The following OPCML variants were observed in gnomAD, a reference collection of about 807,000 sequenced individuals.
OPCML encodes opioid-binding protein/cell adhesion molecule.
Under a neutral mutation model 37.8 loss-of-function variants are expected in OPCML, and 13 were observed. The observed-to-expected ratio is 0.34, with a 90% CI of 0.22 to 0.55. The LOEUF (loss-of-function observed/expected upper bound fraction) is 0.55, where lower values mean the gene tolerates loss of function less well. Ranked by LOEUF, OPCML falls within the 20% of genes least tolerant of loss-of-function variation. OPCML has a pLI of 0.91. For missense variants in OPCML, 341 were observed against 435.6 expected (o/e 0.78, Z 1.93); for synonymous variants, 176 against 168.8 (o/e 1.04, Z -0.33).
At chr11:133,386,123 G>T (rs1203794318) in intron 1 of OPCML, among the ~76,000 whole-genome samples, 1 of 152,196 alleles carries the variant, frequency 6.6e-6, no homozygotes, top group Non-Finnish European at 1.5e-5. Flanking sequence ...CTTGAATGCA[G>T]CACGGAGGCG....
chr11:132,856,853 C>T (rs369831231), intron 2 of OPCML, among the ~76,000 whole-genome samples: 11 of 152,182 alleles, frequency 7.2e-5, no homozygotes, highest in Non-Finnish European at 1.3e-4. Flanking sequence ...AGTCAAAGGC[C>T]GCACAGCACA....
At chr11:133,378,207 C>T (rs1944857195) in intron 1 of OPCML, among the ~76,000 whole-genome samples, 1 of 152,226 alleles carries the variant, frequency 6.6e-6, no homozygotes, top group African/African-American at 2.4e-5. Context: ...TTTTCCTTCC[C>T]TCTCCTAGGG....
chr11:132,625,499 T>C (rs1393158309), intron 3 of OPCML, among the ~76,000 whole-genome samples: 1 of 152,220 alleles, frequency 6.6e-6, no homozygotes, highest in Admixed American at 6.5e-5. Flanking sequence ...CAGTTACTTA[T>C]GCCTCTGCCA....
chr11:132,889,594 A>G (rs934374781), intron 2 of OPCML, among the ~76,000 whole-genome samples: 2 of 152,222 alleles, frequency 1.3e-5, no homozygotes, highest in African/African-American at 4.8e-5. Flanking sequence ...GATATTTCCT[A>G]CCAGAGATGT....
intron 1 of OPCML, among the ~76,000 whole-genome samples, chr11:133,142,025 C>G (rs1392583661): frequency 2.0e-5 from 3 of 152,158 alleles, no homozygotes; most frequent in Admixed American, 2.0e-4. Flanking sequence ...CTTTTAAGAG[C>G]TCTATTAAAT....
At chr11:133,164,583 C>T (rs766956814) in intron 1 of OPCML, among the ~76,000 whole-genome samples, 4 of 152,174 alleles carry the variant, frequency 2.6e-5, no homozygotes, top group Admixed American at 6.5e-5. Context: ...ATTTGAATAA[C>T]GAGGACAATT....
rs529996158 is a variant in OPCML, at chr11:132,669,372, A to T, written c.147-12053T>A. Among the ~76,000 whole-genome samples, 6 of 150,880 alleles carry T rather than the reference A, an allele frequency of 4.0e-5. No individual in the cohort carries two copies. In the Admixed American group the frequency reaches 4.0e-4, roughly 10 times the overall value. On this transcript the variant is annotated intron_variant, in intron 2 of 7. Transcript: ENST00000524381. ...GAAACACATCCAATTCCCTAAGGAGACATTCACTGCACAGATACTGCTGGG... is the reference window on the plus strand; with the variant it reads ...GAAACACATCCAATTCCCTAAGGAGTCATTCACTGCACAGATACTGCTGGG...
At chr11:132,813,146 A>T (rs187572586) in intron 2 of OPCML, among the ~76,000 whole-genome samples, 19 of 151,980 alleles carry the variant, frequency 1.3e-4, no homozygotes, top group Admixed American at 6.6e-4. Context: ...CTCAGTACAC[A>T]TTTTTTTTAG....
At chr11:132,893,755 T>C (rs572703404) in intron 2 of OPCML, among the ~76,000 whole-genome samples, 1 of 152,378 alleles carries the variant, frequency 6.6e-6, no homozygotes, top group East Asian at 1.9e-4. Context: ...GCTCCCATTG[T>C]TTTGAAGCTT....
intron 1 of OPCML, among the ~76,000 whole-genome samples, chr11:133,307,625 C>T (rs527317688): frequency 6.6e-6 from 1 of 152,274 alleles, no homozygotes; most frequent in East Asian, 1.9e-4. Context: ...TTAGACCCAA[C>T]CCAGGGAAGG....
At chr11:133,454,583 T>C (rs1946639692) in intron 1 of OPCML, among the ~76,000 whole-genome samples, 1 of 152,236 alleles carries the variant, frequency 6.6e-6, no homozygotes, top group Admixed American at 6.5e-5. Flanking sequence ...TTTTCTGATC[T>C]ATGCAATTTG....
chr11:133,249,455 C>A (rs1941055837), intron 1 of OPCML, among the ~76,000 whole-genome samples: 1 of 152,186 alleles, frequency 6.6e-6, no homozygotes, highest in African/African-American at 2.4e-5. Context: ...GCCCCACCTC[C>A]AACATTGCGG....
At chr11:133,024,232 A>T in intron 1 of OPCML, 1 of 407,924 alleles carries the variant, frequency 2.5e-6, no homozygotes, top group Non-Finnish European at 3.3e-6. Context: ...AACCTCAGGC[A>T]GGTTGGTGGG....
intron 1 of OPCML, among the ~76,000 whole-genome samples, chr11:133,234,358 GCTT>G (rs1468827960): frequency 6.6e-6 from 1 of 152,176 alleles, no homozygotes; most frequent in African/African-American, 2.4e-5. Flanking sequence ...TTACTTAGAG[GCTT>G]CTTCTCTCTC....
chr11:133,359,086 A>G (rs1944357341), intron 1 of OPCML, among the ~76,000 whole-genome samples: 1 of 152,056 alleles, frequency 6.6e-6, no homozygotes, highest in Non-Finnish European at 1.5e-5. Context: ...AGAGAACTTA[A>G]CTTACGGTCC....
intron 2 of OPCML, among the ~76,000 whole-genome samples, chr11:132,750,451 G>C (rs188790185): frequency 6.6e-6 from 1 of 152,268 alleles, no homozygotes; most frequent in East Asian, 1.9e-4. Flanking sequence ...CAAGGTGGCT[G>C]TCCATTCCAA....
chr11:133,159,700 C>T (rs1404579417), intron 1 of OPCML, among the ~76,000 whole-genome samples: 1 of 152,256 alleles, frequency 6.6e-6, no homozygotes, highest in African/African-American at 2.4e-5. Flanking sequence ...AGGCAGGGCT[C>T]TGTCACCCTT....
chr11:133,285,856 C>T (rs953417655), intron 1 of OPCML, among the ~76,000 whole-genome samples: 1 of 152,132 alleles, frequency 6.6e-6, no homozygotes, highest in African/African-American at 2.4e-5. Flanking sequence ...TGTAAGGCTG[C>T]AGTACAAAGA....
intron 2 of OPCML, among the ~76,000 whole-genome samples, chr11:132,679,855 T>G (rs1942863540): frequency 6.6e-6 from 1 of 152,218 alleles, no homozygotes; most frequent in African/African-American, 2.4e-5. Flanking sequence ...TCAAAATTAA[T>G]GCTATGATTA....
Sources: allele counts gnomAD v4.1 joint callset (sites outside exome capture counted in the v4.1 genomes callset), GRCh38; gene constraint gnomAD v4.1.1; transcripts MANE v1.5; gene names NCBI Gene and HGNC (gene_info 2026-07-23, HGNC 2026-07-21).